The following AGMO variants were observed in gnomAD, a reference collection of about 807,000 sequenced individuals.
The protein encoded by AGMO is alkylglycerol monooxygenase, also known as glyceryl-ether monooxygenase.
AGMO carries 75 observed loss-of-function variants against 60.2 expected under a neutral mutation model. That is an observed-to-expected ratio of 1.25 (90% CI 1.03 to 1.51). The LOEUF is 1.51. AGMO is among the 40% of genes most tolerant of loss of function. The probability of loss-of-function intolerance (pLI) is 0.00; values close to 1 mark genes in which losing one functional copy is unlikely to be tolerated. For missense variants in AGMO, 763 were observed against 525.5 expected, an observed-to-expected ratio of 1.45 and a Z score of -4.42; for synonymous variants, 261 against 177.1, an observed-to-expected ratio of 1.47 and a Z score of -3.76.
At chr7:15,352,108 T>C (rs1329661295) in intron 12 of AGMO, among the ~76,000 whole-genome samples, 4 of 152,196 alleles carry the variant, frequency 2.6e-5, no homozygotes, top group African/African-American at 7.2e-5. Flanking sequence ...CATTAAGCTA[T>C]AGCAAGAAGA....
At chr7:15,280,565 C>G (rs1271895548) in intron 12 of AGMO, among the ~76,000 whole-genome samples, 2 of 152,182 alleles carry the variant, frequency 1.3e-5, no homozygotes, top group Non-Finnish European at 2.9e-5. Flanking sequence ...ACGGCCCCAC[C>G]TATAGCTTGA....
At chr7:15,206,108 G>A (rs960895382) in intron 12 of AGMO, among the ~76,000 whole-genome samples, 3 of 151,980 alleles carry the variant, frequency 2.0e-5, no homozygotes, top group African/African-American at 7.2e-5. Flanking sequence ...GAGAGATTAA[G>A]CCTGAACTGC....
chr7:15,317,967 TAC>T (rs534309097), intron 12 of AGMO, among the ~76,000 whole-genome samples: 3 of 144,776 alleles, frequency 2.1e-5, no homozygotes, highest in South Asian at 2.2e-4. Flanking sequence ...TATATATATA[TAC>T]ACACACACGT....
intron 3 of AGMO, among the ~76,000 whole-genome samples, chr7:15,536,834 A>G (rs1200265485): frequency 4.6e-5 from 7 of 152,056 alleles, no homozygotes; most frequent in African/African-American, 1.7e-4. Context: ...TCATTATGCT[A>G]TTTTATATGG....
chr7:15,559,452 TAGACCTAATGA>T (rs1213632550), intron 2 of AGMO, among the ~76,000 whole-genome samples: 1 of 152,092 alleles, frequency 6.6e-6, no homozygotes, highest in African/African-American at 2.4e-5. Flanking sequence ...TGTCTATGCT[TAGACCTAATGA>T]ATGAATCTGA....
At chr7:15,266,675 T>C (rs1783441853) in intron 12 of AGMO, among the ~76,000 whole-genome samples, 1 of 151,898 alleles carries the variant, frequency 6.6e-6, no homozygotes, top group African/African-American at 2.4e-5. Context: ...GTAGGGAGCT[T>C]TCCTTGATGA....
chr7:15,284,760 A>G (rs767245603), intron 12 of AGMO, among the ~76,000 whole-genome samples: 3 of 151,958 alleles, frequency 2.0e-5, no homozygotes, highest in Admixed American at 6.6e-5. Flanking sequence ...AGGAAAGTAT[A>G]TAACAACAAC....
chr7:15,327,991 G>C (rs974015650), intron 12 of AGMO, among the ~76,000 whole-genome samples: 1 of 151,926 alleles, frequency 6.6e-6, no homozygotes, highest in African/African-American at 2.4e-5. Context: ...GCCTGAGCTT[G>C]TCATGAACTT....
At chr7:15,444,728 T>C (rs368250545) in intron 3 of AGMO, among the ~76,000 whole-genome samples, 2 of 152,192 alleles carry the variant, frequency 1.3e-5, no homozygotes, top group East Asian at 3.9e-4. Flanking sequence ...TTTTTCATGG[T>C]TGTCCTATCA....
At chr7:15,276,586 G>C (rs1220644492) in intron 12 of AGMO, among the ~76,000 whole-genome samples, 1 of 151,998 alleles carries the variant, frequency 6.6e-6, no homozygotes, top group Non-Finnish European at 1.5e-5. Flanking sequence ...TACATCTCTA[G>C]CAAAATCAAG....
chr7:15,530,443 C>G (rs1220723359), intron 3 of AGMO, among the ~76,000 whole-genome samples: 1 of 115,408 alleles, frequency 8.7e-6, no homozygotes, highest in African/African-American at 3.4e-5. Context: ...TATATATATT[C>G]TATATACGTA....
intron 12 of AGMO, among the ~76,000 whole-genome samples, chr7:15,211,259 G>A (rs1351555736): frequency 6.6e-6 from 1 of 151,908 alleles, no homozygotes; most frequent in East Asian, 1.9e-4. Context: ...ATATAAGAGA[G>A]ACTATTATGC....
the AGMO span, among the ~76,000 whole-genome samples, chr7:15,172,619 A>G: frequency 3.9e-5 from 6 of 152,136 alleles, no homozygotes; most frequent in Non-Finnish European, 8.8e-5. Flanking sequence ...TTGAAGTTCC[A>G]GTGAGAGAGA....
intron 12 of AGMO, among the ~76,000 whole-genome samples, chr7:15,343,379 C>G (rs1022176655): frequency 6.6e-6 from 1 of 152,020 alleles, no homozygotes; most frequent in African/African-American, 2.4e-5. Flanking sequence ...CATTTTTTAT[C>G]CCACTACCAA....
chr7:15,538,652 A>T (rs1212863209), intron 3 of AGMO, among the ~76,000 whole-genome samples: 1 of 152,206 alleles, frequency 6.6e-6, no homozygotes, highest in Non-Finnish European at 1.5e-5. Context: ...AATGTAAGTA[A>T]TCTATTCATC....
At chr7:15,326,323 T>C (rs935703869) in intron 12 of AGMO, among the ~76,000 whole-genome samples, 3 of 152,168 alleles carry the variant, frequency 2.0e-5, no homozygotes, top group Admixed American at 1.3e-4. Context: ...CAGTTTAACC[T>C]GAAAGGGGTA....
chr7:15,193,847 T>C, the AGMO span, among the ~76,000 whole-genome samples: 3 of 152,198 alleles, frequency 2.0e-5, no homozygotes, highest in South Asian at 2.1e-4. Context: ...CAGCAAAACA[T>C]ACTTTTATTT....
At chr7:15,139,437 G>T in the AGMO span, among the ~76,000 whole-genome samples, 2 of 152,078 alleles carry the variant, frequency 1.3e-5, no homozygotes, top group Non-Finnish European at 1.5e-5. Context: ...ATGGAGGTTT[G>T]TTGTACAGAT....
At chr7:15,231,728 G>C (rs1382959499) in intron 12 of AGMO, among the ~76,000 whole-genome samples, 1 of 152,108 alleles carries the variant, frequency 6.6e-6, no homozygotes, top group East Asian at 1.9e-4. Flanking sequence ...AATGTTACTT[G>C]TCTTGCAGCG....
Sources: allele counts gnomAD v4.1 joint callset (sites outside exome capture counted in the v4.1 genomes callset), GRCh38; gene constraint gnomAD v4.1.1; transcripts MANE v1.5; gene names NCBI Gene and HGNC (gene_info 2026-07-23, HGNC 2026-07-21).